NALCN: variants seen among roughly 807,000 people sequenced by gnomAD.
NALCN encodes sodium leak channel NALCN.
Under a neutral mutation model 225.3 loss-of-function variants are expected in NALCN, and 111 were observed. That is an observed-to-expected ratio of 0.49 (90% CI 0.42 to 0.58). The LOEUF (loss-of-function observed/expected upper bound fraction) is 0.58. Among genes scored for constraint, NALCN ranks in the 20% least tolerant of loss-of-function variants. The pLI, the probability that NALCN is intolerant of heterozygous loss-of-function variation, is 0.00. For synonymous variants in NALCN, 764 were observed against 769.0 expected, an observed-to-expected ratio of 0.99 and a Z score of 0.11; for missense variants, 1,378 against 2,202.4, an observed-to-expected ratio of 0.63 and a Z score of 7.49.
chr13:101,193,549 T>C (rs2039768873), intron 13 of NALCN, among the ~76,000 whole-genome samples: 1 of 152,216 alleles, frequency 6.6e-6, no homozygotes, highest in Admixed American at 6.5e-5. Flanking sequence ...TTCTATAATC[T>C]CATTACCTTA....
intron 9 of NALCN, among the ~76,000 whole-genome samples, chr13:101,286,820 G>A (rs2043353919): frequency 6.6e-6 from 1 of 150,424 alleles, no homozygotes; most frequent in East Asian, 1.9e-4. Flanking sequence ...CCATTCCCCA[G>A]AGACACCACC....
rs536773274 is a variant in NALCN at position 101,286,822 on chromosome 13, G to C, written c.1048-2803C>G. Among the ~76,000 whole-genome samples, 5 of 150,820 alleles carry C rather than the reference G, an allele frequency of 3.3e-5. No homozygotes were observed. The East Asian group carries it at 9.8e-4, about 30-fold the overall frequency. On this transcript the variant is annotated intron_variant, in intron 9 of 43. Transcript: ENST00000251127. ...AAACAGCTTAAACCCATTCCCCAGA[G>C]ACACCACCACTAACATTTTACAGTT...
intron 7 of NALCN, among the ~76,000 whole-genome samples, chr13:101,323,296 T>G (rs2044821390): frequency 6.6e-6 from 1 of 152,176 alleles, no homozygotes; most frequent in African/African-American, 2.4e-5. Flanking sequence ...ATTACAGACC[T>G]TAGCCATTTG....
chr13:101,151,349 G>A (rs761027022), intron 15 of NALCN, among the ~76,000 whole-genome samples: 32 of 152,248 alleles, frequency 2.1e-4, no homozygotes, highest in Middle Eastern at 3.4e-3. Context: ...TTGCTGTGAG[G>A]AATAACTGAA....
chr13:101,176,699 A>G (rs1278695134), intron 14 of NALCN, among the ~76,000 whole-genome samples: 1 of 152,256 alleles, frequency 6.6e-6, no homozygotes, highest in African/African-American at 2.4e-5. Flanking sequence ...CTATTGATGA[A>G]AAGCTTAATA....
At chr13:101,368,337 C>A (rs1374136124) in intron 6 of NALCN, among the ~76,000 whole-genome samples, 1 of 151,994 alleles carries the variant, frequency 6.6e-6, no homozygotes, top group Non-Finnish European at 1.5e-5. Flanking sequence ...ATGAACTCAT[C>A]ATTTTTTATG....
chr13:101,280,880 C>CTTTTT (rs201201516), intron 10 of NALCN, among the ~76,000 whole-genome samples: 1 of 108,128 alleles, frequency 9.2e-6, no homozygotes, highest in African/African-American at 3.9e-5. Flanking sequence ...TTCTCTCTCT[C>CTTTTT]TCTTTTTTTT....
chr13:101,229,114 A>T (rs528639498), intron 13 of NALCN, among the ~76,000 whole-genome samples: 6 of 152,186 alleles, frequency 3.9e-5, no homozygotes, highest in Admixed American at 2.6e-4. Context: ...ATTTTAATTT[A>T]TAGGTGCTAA....
rs1352711955 is a variant in NALCN, at chr13:101,059,812, C to G, written c.4905+6G>C. ...TCCTGGGACAGAGGACGCCTCGTGC[C>G]CATACCTCAGGTTGCATGCTGTTGT... On this transcript the variant is annotated splice_donor_region_variant and intron_variant, in intron 42 of 43. Coordinates refer to ENST00000251127, the MANE Select transcript of NALCN (RefSeq NM_052867.4). 37 of 1,613,668 alleles carry G rather than the reference C, an allele frequency of 2.3e-5. No individual in the cohort carries two copies. The highest frequency in any genetic ancestry group is 3.0e-5 in the Non-Finnish European group (35 of 1,179,934).
intron 15 of NALCN, among the ~76,000 whole-genome samples, chr13:101,171,951 A>T (rs1009266231): frequency 6.6e-6 from 1 of 152,224 alleles, no homozygotes; most frequent in Non-Finnish European, 1.5e-5. Context: ...CAGTGCTGCC[A>T]CTTAGAATTT....
chr13:101,190,115 T>C (rs1391116471), intron 14 of NALCN, among the ~76,000 whole-genome samples: 1 of 152,232 alleles, frequency 6.6e-6, no homozygotes, highest in Non-Finnish European at 1.5e-5. Flanking sequence ...TCTTCCAGCT[T>C]TCATTTTTTG....
At position 101,111,249 on chromosome 13, in the gene NALCN, A is replaced by G. The variant is rs779063170; in HGVS notation, c.2193-23T>C. The G allele has an allele frequency of 1.2e-5, 19 of 1,568,672 alleles. 1 individual carries two copies. In the South Asian group the frequency reaches 1.7e-4, roughly 14 times the overall value. On this transcript the variant is annotated intron_variant, in intron 18 of 43. Transcript: ENST00000251127. ...GCTCTAGGAAAAAAAAAGGAGCCCAAGATAAATGCATGGTTTGTACACTTG... is the reference window on the plus strand; with the variant it reads ...GCTCTAGGAAAAAAAAAGGAGCCCAGGATAAATGCATGGTTTGTACACTTG...
chr13:101,144,262 T>C (rs888584282), intron 16 of NALCN, among the ~76,000 whole-genome samples: 1 of 152,202 alleles, frequency 6.6e-6, no homozygotes, highest in African/African-American at 2.4e-5. Flanking sequence ...GTTCTTCTTT[T>C]AAAAAGTGGA....
chr13:101,168,410 GA>G (rs1460915260), intron 15 of NALCN, among the ~76,000 whole-genome samples: 1 of 151,252 alleles, frequency 6.6e-6, no homozygotes, highest in African/African-American at 2.4e-5. Flanking sequence ...TTCTTCCCCC[GA>G]AAAAAAACCC....
At chr13:101,301,793 T>C (rs1175902516) in intron 7 of NALCN, among the ~76,000 whole-genome samples, 3 of 151,720 alleles carry the variant, frequency 2.0e-5, no homozygotes, top group Non-Finnish European at 4.4e-5. Flanking sequence ...TCATTTACAG[T>C]TCCTAACATT....
chr13:101,276,034 AG>A (rs1439158861), intron 10 of NALCN, among the ~76,000 whole-genome samples: 4 of 132,518 alleles, frequency 3.0e-5, no homozygotes, highest in Non-Finnish European at 4.7e-5. Context: ...AATGCACTCC[AG>A]CCTGATGACA....
At chr13:101,371,466 G>A (rs2046537839) in intron 6 of NALCN, among the ~76,000 whole-genome samples, 2 of 152,114 alleles carry the variant, frequency 1.3e-5, no homozygotes, top group South Asian at 4.1e-4. Context: ...TTACAGGTGT[G>A]TGCCACTGTA....
chr13:101,108,301 T>A (rs1034524884), intron 20 of NALCN, among the ~76,000 whole-genome samples: 2 of 152,138 alleles, frequency 1.3e-5, no homozygotes, highest in Admixed American at 1.3e-4. Context: ...CACATATTGA[T>A]TGAAATCCTA....
chr13:101,283,743 A>T (rs1333823797), intron 10 of NALCN, among the ~76,000 whole-genome samples, 190 bp downstream of exon 10: 2 of 151,666 alleles, frequency 1.3e-5, no homozygotes, highest in Admixed American at 1.3e-4. Flanking sequence ...AACTTATCAA[A>T]TCCCTATTGT....
Sources: allele counts gnomAD v4.1 joint callset (sites outside exome capture counted in the v4.1 genomes callset), GRCh38; gene constraint gnomAD v4.1.1; transcripts MANE v1.5; gene names NCBI Gene and HGNC (gene_info 2026-07-23, HGNC 2026-07-21).